KLHL15: variants seen among roughly 807,000 people sequenced by gnomAD.
KLHL15 encodes the protein kelch-like protein 15.
A neutral mutation model predicts 29.3 loss-of-function variants in KLHL15; 1 was observed. The observed-to-expected ratio is 0.03, with a 90% confidence interval of 0.01 to 0.16. KLHL15 has a LOEUF of 0.16. KLHL15 is among the 10% of genes least tolerant of loss of function. The pLI, the probability that KLHL15 is intolerant of heterozygous loss-of-function variation, is 1.00. For synonymous variants in KLHL15, 212 were observed against 184.5 expected, an observed-to-expected ratio of 1.15 and a Z score of -1.21; for missense variants, 215 against 478.5, an observed-to-expected ratio of 0.45 and a Z score of 5.14.
rs1299059526 is a variant in KLHL15, at chrX:23,993,179, G to A, written c.706-4149C>T. ...TATTCTCAGCAAGTTCAAGTCATTC[G>A]ATCTCAAAACTAATTTCCTGGGATC... On this transcript the variant is annotated intron_variant, in intron 3 of 3. Coordinates refer to ENST00000328046, the MANE Select transcript of KLHL15 (RefSeq NM_030624.3). Among the ~76,000 whole-genome samples, 6 of 110,023 alleles carry A rather than the reference G, an allele frequency of 5.5e-5. No homozygotes were observed. The Middle Eastern group carries it at 0.014, about 252-fold the overall frequency.
chrX:24,012,292 T>TAAA (rs1448214522), intron 2 of KLHL15, among the ~76,000 whole-genome samples: 1 of 112,533 alleles, frequency 8.9e-6, no homozygotes, highest in African/African-American at 3.2e-5. Flanking sequence ...AAAATCTCTT[T>TAAA]AAAAGGCCCT....
rs758329021 is a variant in KLHL15 at position 24,015,229 on chromosome X, G to A, written c.-7-8529C>T. Among the ~76,000 whole-genome samples the A allele has an allele frequency of 3.6e-5, 4 of 111,967 alleles. No individual in the cohort carries two copies. In the East Asian group the frequency reaches 1.1e-3, roughly 31 times the overall value. On this transcript the variant is annotated intron_variant, in intron 2 of 3. Transcript: ENST00000328046. ...CTTCTCTCTGCATCTGTAAAAACAA[G>A]AGCACTAGACATGATCTCTAAAATA...
chrX:24,003,035 T>C (rs764006674), intron 3 of KLHL15, among the ~76,000 whole-genome samples: 6 of 112,617 alleles, frequency 5.3e-5, no homozygotes, highest in East Asian at 2.8e-4. Context: ...AGAATTTTCA[T>C]AGCTCTTTAA....
At chrX:24,017,643 T>C (rs1378213929) in intron 2 of KLHL15, among the ~76,000 whole-genome samples, 3 of 108,346 alleles carry the variant, frequency 2.8e-5, no homozygotes, top group Non-Finnish European at 5.7e-5. Flanking sequence ...TAGTCAGACG[T>C]GGTGGTGTGT....
chrX:24,025,184 C>A, intron 1 of KLHL15, 126 bp from the exon 2 acceptor site: 1 of 283,155 alleles, frequency 3.5e-6, no homozygotes, highest in Non-Finnish European at 6.2e-6. Flanking sequence ...CGGGGCTCGG[C>A]GGGAGGGCCG....
intron 1 of KLHL15, among the ~76,000 whole-genome samples, chrX:24,025,592 C>T (rs1246556858): frequency 1.8e-5 from 2 of 108,771 alleles, no homozygotes; most frequent in Non-Finnish European, 3.9e-5. Context: ...CCTGCTGGCG[C>T]CCCGAGGGGG....
chrX:23,999,391 C>A lies in KLHL15; in HGVS notation c.705+6598G>T, dbSNP rs1039926165. On this transcript the variant is annotated intron_variant, in intron 3 of 3. Coordinates refer to ENST00000328046, the MANE Select transcript of KLHL15 (RefSeq NM_030624.3). ...CAGACGGATCACGAGGTCAGGAGAT[C>A]GATACCATCTTGGCTAACACGGTGA... 2.0e-4 allele frequency among the ~76,000 whole-genome samples: 22 copies of A among 107,599 alleles called. No homozygotes were observed. The South Asian group carries it at 8.9e-3, about 44-fold the overall frequency. The allele number at this position is 107,599 out of a possible 115,157, so 93.4% of individuals were successfully genotyped here.
chrX:23,989,519 C>T (rs746238358), intron 3 of KLHL15, among the ~76,000 whole-genome samples: 1 of 111,321 alleles, frequency 9.0e-6, no homozygotes, highest in African/African-American at 3.3e-5. Flanking sequence ...CATTCCCAAG[C>T]TTTTAAGAGT....
In KLHL15 at chrX:23,988,160, C is replaced by T; in HGVS notation, c.1576G>A (p.Ala526Thr). ...NPETDQWTIL[A>T]SMPIGRSGHG... is the part of the protein sequence containing the mutation. ...CCACTTCTACCAATCGGCATGGATG[C>T]CAAGATGGTCCACTGATCAGTCTCT... is the stretch of plus-strand genomic sequence containing the variant. The change falls in exon 4 of 4, where the codon GCA becomes ACA. Residue 526 changes from alanine to threonine, a missense_variant. Coordinates refer to ENST00000328046, the MANE Select transcript of KLHL15 (RefSeq NM_030624.3). 8.3e-7 allele frequency: 1 copy of T among 1,211,659 alleles called. No homozygotes were observed. The highest frequency in any genetic ancestry group is 1.1e-6 in the Non-Finnish European group (1 of 895,431).
At chrX:24,013,955 G>A (rs1001138685) in intron 2 of KLHL15, among the ~76,000 whole-genome samples, 4 of 110,800 alleles carry the variant, frequency 3.6e-5, no homozygotes, top group Admixed American at 9.7e-5. Context: ...GGTCACCAAC[G>A]ATCATTCTGC....
chrX:24,014,323 A>T (rs1929632709), intron 2 of KLHL15, among the ~76,000 whole-genome samples: 1 of 111,597 alleles, frequency 9.0e-6, no homozygotes, highest in Non-Finnish European at 1.9e-5. Context: ...ACTTGAGAGT[A>T]AACTGCTTTG....
intron 2 of KLHL15, among the ~76,000 whole-genome samples, chrX:24,013,320 T>G (rs1194856571): frequency 9.0e-6 from 1 of 111,140 alleles, no homozygotes; most frequent in Admixed American, 9.6e-5. Flanking sequence ...TGGAATGCAG[T>G]GGTGCGATCT....
Position 24,003,205 on chromosome X carries a change from C to A in KLHL15, c.705+2784G>T, listed in dbSNP as rs766058463. On this transcript the variant is annotated intron_variant, in intron 3 of 3. Coordinates refer to ENST00000328046, the MANE Select transcript of KLHL15 (RefSeq NM_030624.3). ...AGTGCCACTTGGTCTGGAATAAGAT[C>A]CTTAACCTTTCTGTGCCTGTTTCCT... Among the ~76,000 whole-genome samples, 12 of 111,421 alleles carry A rather than the reference C, an allele frequency of 1.1e-4. No individual in the cohort carries two copies. The South Asian group carries it at 4.1e-3, about 38-fold the overall frequency.
At chrX:24,022,227 C>T (rs1381636773) in intron 2 of KLHL15, among the ~76,000 whole-genome samples, 1 of 104,566 alleles carries the variant, frequency 9.6e-6, no homozygotes, top group Non-Finnish European at 1.9e-5. Context: ...CCCAGTTACT[C>T]GGGAGGCTGA....
At chrX:23,997,110 A>G (rs1030723223) in intron 3 of KLHL15, among the ~76,000 whole-genome samples, 2 of 102,664 alleles carry the variant, frequency 1.9e-5, no homozygotes, top group Admixed American at 2.1e-4. Context: ...TGACCAGGGT[A>G]AATAGGGGTG....
At chrX:24,023,739 T>C (rs1487335343) in intron 2 of KLHL15, among the ~76,000 whole-genome samples, 2 of 112,356 alleles carry the variant, frequency 1.8e-5, no homozygotes, top group African/African-American at 6.5e-5. Context: ...TGATAAACTG[T>C]GACTCTAAGC....
intron 3 of KLHL15, among the ~76,000 whole-genome samples, chrX:23,996,528 T>TG (rs897159648): frequency 4.5e-5 from 5 of 110,819 alleles, no homozygotes; most frequent in African/African-American, 1.3e-4. Flanking sequence ...CTGGGCGTGG[T>TG]GGGGGGCACC....
At chrX:24,007,506 A>ATATAT (rs1320532694) in intron 2 of KLHL15, among the ~76,000 whole-genome samples, 13 of 58,363 alleles carry the variant, frequency 2.2e-4, no homozygotes, top group Non-Finnish European at 2.7e-4. Flanking sequence ...AAAAAAAAAA[A>ATATAT]AAATATATAT....
intron 2 of KLHL15, among the ~76,000 whole-genome samples, chrX:24,011,707 G>A (rs1003569882): frequency 1.3e-4 from 14 of 111,759 alleles, no homozygotes; most frequent in African/African-American, 3.9e-4. Flanking sequence ...GGAGGCTGAG[G>A]TGAGAGAATC....
Sources: gnomAD v4.1 joint callset for allele counts (sites outside exome capture counted in the v4.1 genomes callset) on GRCh38, gnomAD v4.1.1 for gene constraint, MANE v1.5 for transcripts, NCBI Gene and HGNC (gene_info 2026-07-23, HGNC 2026-07-21) for gene names.